KHDRBS2: variants seen among roughly 807,000 people sequenced by gnomAD.
KHDRBS2 encodes the protein KH RNA binding domain containing, signal transduction associated 2, also known as KH domain-containing, RNA-binding, signal transduction-associated protein 2.
In KHDRBS2, 26 loss-of-function variants were observed where a neutral mutation model predicts 44.3. That is an observed-to-expected ratio of 0.59 (90% CI 0.43 to 0.81). KHDRBS2 has a LOEUF of 0.81. Ranked by LOEUF, KHDRBS2 falls within the 40% of genes least tolerant of loss-of-function variation. The pLI, the probability that KHDRBS2 is intolerant of heterozygous loss-of-function variation, is 0.00. For synonymous variants in KHDRBS2, 194 were observed against 151.1 expected (o/e 1.28, Z -2.08); for missense variants, 476 against 433.1 (o/e 1.10, Z -0.88).
At chr6:62,070,325 G>C (rs1794704805) in intron 2 of KHDRBS2, among the ~76,000 whole-genome samples, 1 of 128,996 alleles carries the variant, frequency 7.8e-6, no homozygotes, top group African/African-American at 2.8e-5. Context: ...AAGTTGGAAA[G>C]TGTTCACTTC....
At chr6:61,686,771 AC>A (rs754079772) in intron 8 of KHDRBS2, among the ~76,000 whole-genome samples, 25 of 151,368 alleles carry the variant, frequency 1.7e-4, no homozygotes, top group Non-Finnish European at 3.1e-4. Context: ...CTATTCACCA[AC>A]CCTTTCTCTT....
chr6:61,983,488 T>A (rs1302447414), intron 3 of KHDRBS2, among the ~76,000 whole-genome samples: 2 of 151,946 alleles, frequency 1.3e-5, no homozygotes, highest in Non-Finnish European at 2.9e-5. Flanking sequence ...AAAGGTCACT[T>A]CTGGATGGGC....
the KHDRBS2 span, among the ~76,000 whole-genome samples, chr6:61,669,726 T>C: frequency 6.6e-6 from 1 of 150,892 alleles, no homozygotes; most frequent in Non-Finnish European, 1.5e-5. Context: ...ATTCTATGAG[T>C]ATGTACTATT....
intron 2 of KHDRBS2, among the ~76,000 whole-genome samples, chr6:62,101,343 G>T (rs777974535): frequency 1.3e-4 from 20 of 152,104 alleles, no homozygotes; most frequent in Non-Finnish European, 2.6e-4. Context: ...GCTTAAAACA[G>T]ATTATGTAGG....
At chr6:62,127,540 T>A (rs1809254964) in intron 2 of KHDRBS2, among the ~76,000 whole-genome samples, 1 of 152,032 alleles carries the variant, frequency 6.6e-6, no homozygotes, top group Non-Finnish European at 1.5e-5. Context: ...TACATCTAAT[T>A]TGAATAATGG....
At chr6:61,554,571 A>T in the KHDRBS2 span, among the ~76,000 whole-genome samples, 1 of 152,102 alleles carries the variant, frequency 6.6e-6, no homozygotes, top group South Asian at 2.1e-4. Context: ...GTGGGTTATT[A>T]TGCAGATATT....
chr6:61,954,944 GTATA>G, intron 4 of KHDRBS2, among the ~76,000 whole-genome samples: 1 of 66,738 alleles, frequency 1.5e-5, no homozygotes, highest in South Asian at 4.9e-4. Flanking sequence ...ATATGTATGT[GTATA>G]CATATATATG....
chr6:62,076,841 T>C (rs1280198754), intron 2 of KHDRBS2, among the ~76,000 whole-genome samples: 1 of 151,940 alleles, frequency 6.6e-6, no homozygotes, highest in East Asian at 1.9e-4. Flanking sequence ...AATTAGGAGT[T>C]TGAGACCAGC....
chr6:61,864,374 G>A (rs1797481446), intron 6 of KHDRBS2, among the ~76,000 whole-genome samples: 3 of 152,096 alleles, frequency 2.0e-5, no homozygotes, highest in Admixed American at 2.0e-4. Flanking sequence ...TAGTGTCACT[G>A]GTCTGTATAC....
chr6:62,120,965 T>C (rs1012695798), intron 2 of KHDRBS2, among the ~76,000 whole-genome samples: 1 of 152,166 alleles, frequency 6.6e-6, no homozygotes, highest in African/African-American at 2.4e-5. Flanking sequence ...TGGGGATTAT[T>C]GTACACTGGA....
At chr6:62,188,244 G>A (rs947399134) in intron 1 of KHDRBS2, among the ~76,000 whole-genome samples, 2 of 152,024 alleles carry the variant, frequency 1.3e-5, no homozygotes, top group African/African-American at 4.8e-5. Flanking sequence ...ACCATATCAA[G>A]CAGGTCTCTA....
chr6:61,914,192 G>T (rs1419491494), intron 4 of KHDRBS2, among the ~76,000 whole-genome samples: 1 of 151,940 alleles, frequency 6.6e-6, no homozygotes, highest in Non-Finnish European at 1.5e-5. Context: ...ATAAGTGGTG[G>T]AGAGAAAGAG....
chr6:61,575,366 C>A, the KHDRBS2 span, among the ~76,000 whole-genome samples: 2 of 152,068 alleles, frequency 1.3e-5, no homozygotes, highest in African/African-American at 4.8e-5. Flanking sequence ...TGAAAAAATG[C>A]TAAACATCTC....
rs536183768 is a variant in KHDRBS2, at chr6:61,955,710, A to G, written c.483+22356T>C. Among the ~76,000 whole-genome samples the G allele has an allele frequency of 2.7e-3, 289 of 107,018 alleles. 3 individuals are homozygous for G. The highest frequency in any genetic ancestry group is 0.011 in the African/African-American group (280 of 25,558). 70.2% of individuals were successfully genotyped at this position (107,018 alleles called of 152,430 possible). ...TATACATATATGTGTATATATACAC[A>G]TATGTATGTATACATATATAGACAG... On this transcript the variant is annotated intron_variant, in intron 4 of 8. Coordinates refer to ENST00000281156, the MANE Select transcript of KHDRBS2 (RefSeq NM_152688.4).
chr6:62,240,662 A>G (rs9454716), intron 1 of KHDRBS2, among the ~76,000 whole-genome samples: 103 of 87,972 alleles, frequency 1.2e-3, no homozygotes, highest in African/African-American at 2.8e-3. Flanking sequence ...GTGTGTATGT[A>G]TGTGTGTGTG....
intron 1 of KHDRBS2, among the ~76,000 whole-genome samples, chr6:62,235,976 T>C (rs1370211627): frequency 6.6e-6 from 1 of 152,110 alleles, no homozygotes; most frequent in East Asian, 1.9e-4. Context: ...GAAAATTAGA[T>C]CAACTTTAAT....
At chr6:61,624,080 A>T in the KHDRBS2 span, among the ~76,000 whole-genome samples, 1 of 152,050 alleles carries the variant, frequency 6.6e-6, no homozygotes, top group Non-Finnish European at 1.5e-5. Flanking sequence ...TAGAAGTAGC[A>T]GAAAGACATA....
chr6:61,741,012 T>C (rs1287994897), intron 6 of KHDRBS2, among the ~76,000 whole-genome samples: 1 of 151,860 alleles, frequency 6.6e-6, no homozygotes, highest in Non-Finnish European at 1.5e-5. Flanking sequence ...CTCTAGGAAA[T>C]GAGGGCACAA....
At chr6:62,222,161 G>A (rs1831004410) in intron 1 of KHDRBS2, among the ~76,000 whole-genome samples, 1 of 152,120 alleles carries the variant, frequency 6.6e-6, no homozygotes, top group African/African-American at 2.4e-5. Context: ...GGGATTAGGT[G>A]TGCCTCTCAC....
Sources: gnomAD v4.1 joint callset for allele counts (sites outside exome capture counted in the v4.1 genomes callset) on GRCh38, gnomAD v4.1.1 for gene constraint, MANE v1.5 for transcripts, NCBI Gene and HGNC (gene_info 2026-07-23, HGNC 2026-07-21) for gene names.